The following PTPRD variants were observed in gnomAD, a reference collection of about 807,000 sequenced individuals.
PTPRD encodes the protein receptor-type tyrosine-protein phosphatase delta.
PTPRD carries 34 observed loss-of-function variants against 214.5 expected under a neutral mutation model. That is an observed-to-expected ratio of 0.16 (90% CI 0.12 to 0.21). The LOEUF is 0.21. PTPRD is among the 10% of genes least tolerant of loss of function. PTPRD has a pLI of 1.00. For missense variants in PTPRD, 2,545 were observed against 2,398.7 expected (o/e 1.06, Z -1.27); for synonymous variants, 1,128 against 845.7 (o/e 1.33, Z -5.79).
chr9:8,843,599 T>C (rs1277781105), intron 11 of PTPRD, among the ~76,000 whole-genome samples: 1 of 152,206 alleles, frequency 6.6e-6, no homozygotes, highest in Non-Finnish European at 1.5e-5. Context: ...TTTAATTACA[T>C]TTAATTTTAA....
At chr9:9,934,715 A>G (rs1433128509) in intron 5 of PTPRD, among the ~76,000 whole-genome samples, 5 of 151,686 alleles carry the variant, frequency 3.3e-5, no homozygotes, top group African/African-American at 9.7e-5. Flanking sequence ...AATCCTCCCT[A>G]ACTCATTTTA....
intron 2 of PTPRD, among the ~76,000 whole-genome samples, chr9:10,564,187 T>TTTTTTTTTG: frequency 8.3e-6 from 1 of 119,962 alleles, no homozygotes. Context: ...TTTTTTTTTT[T>TTTTTTTTTG]TTTTTTTTGA....
intron 8 of PTPRD, among the ~76,000 whole-genome samples, chr9:9,500,621 A>G (rs1412113200): frequency 6.6e-6 from 1 of 152,100 alleles, no homozygotes; most frequent in East Asian, 1.9e-4. Flanking sequence ...ACTTGTACTA[A>G]AGAAATATTA....
At chr9:9,819,861 T>C (rs757413803) in intron 5 of PTPRD, among the ~76,000 whole-genome samples, 2 of 152,196 alleles carry the variant, frequency 1.3e-5, no homozygotes, top group Non-Finnish European at 2.9e-5. Context: ...ATTCATGGTA[T>C]ATATGTACCA....
chr9:9,091,207 G>C (rs1256197579), intron 10 of PTPRD: 2 of 1,478,660 alleles, frequency 1.4e-6, no homozygotes, highest in Non-Finnish European at 1.9e-6. Context: ...ATTTAGACCT[G>C]CGGGTGCTGC....
rs538046654 is a variant in PTPRD at position 9,248,528 on chromosome 9, T to C, written c.-202-65165A>G. 1.1e-4 allele frequency among the ~76,000 whole-genome samples: 17 copies of C among 152,246 alleles called. 1 individual carries two copies. Among genetic ancestry groups the C allele is most frequent in the Middle Eastern group, 3.4e-3 (1 of 294 alleles). ...TAGTAAGCAATGGTGGAGACAGATATGAATTAGCACCCATCTGATGTCTTA... is the reference window on the plus strand; with the variant it reads ...TAGTAAGCAATGGTGGAGACAGATACGAATTAGCACCCATCTGATGTCTTA... On this transcript the variant is annotated intron_variant, in intron 9 of 45. Transcript: ENST00000381196.
intron 11 of PTPRD, among the ~76,000 whole-genome samples, chr9:8,937,807 G>A (rs2099007525): frequency 6.6e-6 from 1 of 152,112 alleles, no homozygotes; most frequent in Non-Finnish European, 1.5e-5. Flanking sequence ...ACTCAGAGAG[G>A]AGAATTAAAG....
chr9:9,121,810 T>G (rs951883723), intron 10 of PTPRD, among the ~76,000 whole-genome samples: 9 of 152,246 alleles, frequency 5.9e-5, no homozygotes, highest in African/African-American at 1.9e-4. Flanking sequence ...TGTATCCCAA[T>G]AACTTATGGA....
At chr9:8,993,305 C>A (rs1045497951) in intron 11 of PTPRD, among the ~76,000 whole-genome samples, 1 of 152,030 alleles carries the variant, frequency 6.6e-6, no homozygotes, top group African/African-American at 2.4e-5. Context: ...ATAACAGTAT[C>A]TATCTCTTAC....
intron 2 of PTPRD, among the ~76,000 whole-genome samples, chr9:10,371,104 T>A (rs1429613321): frequency 6.6e-6 from 1 of 152,024 alleles, no homozygotes; most frequent in Non-Finnish European, 1.5e-5. Context: ...TTTTCAACAC[T>A]TTCAGCTTTT....
intron 11 of PTPRD, among the ~76,000 whole-genome samples, chr9:8,766,088 G>C (rs918115082): frequency 2.6e-5 from 4 of 151,354 alleles, no homozygotes; most frequent in Non-Finnish European, 5.9e-5. Flanking sequence ...TCCATACCAA[G>C]AGTTTCCTTA....
chr9:8,805,166 TC>T (rs2096650709), intron 11 of PTPRD, among the ~76,000 whole-genome samples: 1 of 152,164 alleles, frequency 6.6e-6, no homozygotes, highest in Non-Finnish European at 1.5e-5. Flanking sequence ...AAGATCACCT[TC>T]CTTTTGTGGG....
chr9:8,836,736 A>T (rs1443162951), intron 11 of PTPRD, among the ~76,000 whole-genome samples: 1 of 151,326 alleles, frequency 6.6e-6, no homozygotes, highest in Non-Finnish European at 1.5e-5. Flanking sequence ...AGCTGGGACT[A>T]CAAGCGCATG....
chr9:8,794,907 A>G (rs1052523790), intron 11 of PTPRD, among the ~76,000 whole-genome samples: 1 of 152,116 alleles, frequency 6.6e-6, no homozygotes, highest in East Asian at 1.9e-4. Flanking sequence ...TAAATGGTCA[A>G]TGAGTGACAG....
At chr9:9,055,359 G>C (rs778248501) in intron 10 of PTPRD, among the ~76,000 whole-genome samples, 9 of 152,156 alleles carry the variant, frequency 5.9e-5, no homozygotes, top group Admixed American at 3.9e-4. Context: ...GTTAGATTTA[G>C]TCATTTCACA....
chr9:10,449,744 C>A (rs1360563466), intron 2 of PTPRD, among the ~76,000 whole-genome samples: 1 of 151,822 alleles, frequency 6.6e-6, no homozygotes, highest in East Asian at 1.9e-4. Context: ...GGGAGGTGTA[C>A]CCAACAGCTC....
At chr9:9,078,843 A>G (rs1018565411) in intron 10 of PTPRD, among the ~76,000 whole-genome samples, 1 of 152,082 alleles carries the variant, frequency 6.6e-6, no homozygotes, top group Non-Finnish European at 1.5e-5. Flanking sequence ...GTAATTGAAA[A>G]ATAATAACTG....
chr9:9,613,740 C>G (rs1026643954), intron 7 of PTPRD, among the ~76,000 whole-genome samples: 4 of 152,180 alleles, frequency 2.6e-5, no homozygotes, highest in African/African-American at 9.7e-5. Flanking sequence ...GTTAGAATCT[C>G]AGGCCCACCC....
At chr9:10,392,005 T>A (rs1024556868) in intron 2 of PTPRD, among the ~76,000 whole-genome samples, 2 of 151,826 alleles carry the variant, frequency 1.3e-5, no homozygotes, top group African/African-American at 4.8e-5. Flanking sequence ...TTAAACTCTT[T>A]TATGCCTCTT....
Sources: allele counts gnomAD v4.1 joint callset (sites outside exome capture counted in the v4.1 genomes callset), GRCh38; gene constraint gnomAD v4.1.1; transcripts MANE v1.5; gene names NCBI Gene and HGNC (gene_info 2026-07-23, HGNC 2026-07-21).